Variants in DEPDC4 observed in about 807,000 individuals in gnomAD.
DEPDC4 encodes the protein DEP domain-containing protein 4.
DEPDC4 carries 52 observed loss-of-function variants against 52.0 expected under a neutral mutation model. The observed-to-expected ratio is 1.00, with a 90% CI of 0.80 to 1.26. The LOEUF is 1.26. Ranked by LOEUF, DEPDC4 falls within the 50% of genes most tolerant of loss-of-function variation. The pLI, the probability that DEPDC4 is intolerant of heterozygous loss-of-function variation, is 0.00. For synonymous variants in DEPDC4, 201 were observed against 196.8 expected (o/e 1.02, Z -0.18); for missense variants, 530 against 546.9 (o/e 0.97, Z 0.31).
At chr12:100,280,188 G>A in the DEPDC4 span, among the ~76,000 whole-genome samples, 6 of 152,164 alleles carry the variant, frequency 3.9e-5, no homozygotes, top group African/African-American at 1.4e-4. Flanking sequence ...AAAGCAAGAG[G>A]GCAGATTCAC....
At chr12:100,232,996 T>C (rs2096136812) in intron 9 of DEPDC4, among the ~76,000 whole-genome samples, 2 of 152,166 alleles carry the variant, frequency 1.3e-5, no homozygotes, top group Non-Finnish European at 2.9e-5. Flanking sequence ...TGTATGTACA[T>C]ATCATTTAAT....
chr12:100,239,474 C>T (rs1332789123), downstream of DEPDC4, among the ~76,000 whole-genome samples: 1 of 151,916 alleles, frequency 6.6e-6, no homozygotes, highest in African/African-American at 2.4e-5. Context: ...CTCCTTGGCT[C>T]ACGTGATCCT....
chr12:100,251,391 A>AT (rs1232431376), intron 7 of DEPDC4, among the ~76,000 whole-genome samples: 1 of 152,184 alleles, frequency 6.6e-6, no homozygotes, highest in Non-Finnish European at 1.5e-5. Context: ...AAATAAGAAT[A>AT]TGACCATGTT....
At chr12:100,257,760 A>G (rs2096240041) in intron 3 of DEPDC4, 1 of 152,284 alleles carries the variant, frequency 6.6e-6, no homozygotes, top group South Asian at 2.1e-4. Context: ...GTTATCAATT[A>G]GTTGTAAACA....
intron 7 of DEPDC4, among the ~76,000 whole-genome samples, chr12:100,251,084 G>T (rs1277550391): frequency 6.6e-6 from 1 of 152,090 alleles, no homozygotes; most frequent in East Asian, 1.9e-4. Context: ...GGATCAATAT[G>T]TTGCATTATG....
chr12:100,267,134 A>G (rs1045207561), upstream of DEPDC4: 9 of 1,574,030 alleles, frequency 5.7e-6, no homozygotes, highest in Non-Finnish European at 7.8e-6. Context: ...CCTCTTCCGA[A>G]CCGGCAGGAA....
intron 3 of DEPDC4, 40 bp from the exon 4 acceptor site, chr12:100,256,266 T>C (rs1274274847): frequency 6.9e-7 from 1 of 1,442,806 alleles, no homozygotes; most frequent in Admixed American, 1.9e-5. Context: ...GATTGGTAAA[T>C]AAAACATACA....
chr12:100,263,433 T>G (rs1349693302), intron 2 of DEPDC4, 64 bp downstream of exon 2: 10 of 1,337,428 alleles, frequency 7.5e-6, no homozygotes, highest in Non-Finnish European at 1.0e-5. Context: ...CGAGTTTAGC[T>G]CAATAAAGAC....
chr12:100,279,831 C>G, the DEPDC4 span, among the ~76,000 whole-genome samples: 1 of 152,202 alleles, frequency 6.6e-6, no homozygotes, highest in South Asian at 2.1e-4. Flanking sequence ...TGGTTCTTGC[C>G]AGACCTGGTG....
chr12:100,244,731 G>C lies in DEPDC4; in HGVS notation c.1454-2162C>G, dbSNP rs559396286. ...CCTGCCTCAGCCTCCCAAAGTGCTG[G>C]GATTGCAGGTGTGAGCCGCTGCACC... is the stretch of plus-strand genomic sequence containing the variant. On this transcript the variant is annotated intron_variant, in intron 8 of 9. Transcript: ENST00000550587. Among the ~76,000 whole-genome samples, 11 of 151,372 alleles carry C rather than the reference G, an allele frequency of 7.3e-5. No homozygotes were observed. In the South Asian group the frequency reaches 2.1e-3, roughly 29 times the overall value.
chr12:100,262,507 C>A, intron 2 of DEPDC4, 98 bp from the exon 3 acceptor site: 1 of 1,001,862 alleles, frequency 1.0e-6, no homozygotes, highest in South Asian at 2.3e-5. Flanking sequence ...CATACATTCT[C>A]TATTTCCAAA....
Position 100,264,564 on chromosome 12 carries a change from A to T in DEPDC4, c.158-671T>A, listed in dbSNP as rs190478866. 3.3e-5 allele frequency among the ~76,000 whole-genome samples: 5 copies of T among 152,140 alleles called. No homozygotes were observed. In the East Asian group the frequency reaches 9.7e-4, roughly 29 times the overall value. On this transcript the variant is annotated intron_variant, in intron 1 of 9. Transcript: ENST00000550587. Reference sequence around the variant, plus strand: ...CGTGGTGGCATGCGCCTGTAATCCCAGTTACTCGGGAGGCTGAGGCAGGAG... The same window carrying T: ...CGTGGTGGCATGCGCCTGTAATCCCTGTTACTCGGGAGGCTGAGGCAGGAG...
intron 8 of DEPDC4, among the ~76,000 whole-genome samples, chr12:100,246,122 G>GT (rs2096184191): frequency 7.2e-6 from 1 of 138,262 alleles, no homozygotes; most frequent in Non-Finnish European, 1.6e-5. Context: ...ACTACGCCTG[G>GT]GTTTTTTTTT....
rs2096155570 is a variant in DEPDC4, at chr12:100,240,799, TC to T, written c.*1092del. Among the ~76,000 whole-genome samples the T allele has an allele frequency of 6.6e-6, 1 of 152,244 alleles. No individual in the cohort carries two copies. Among genetic ancestry groups the T allele is most frequent in the African/African-American group, 2.4e-5 (1 of 41,462 alleles). ...CGGGTGTGGTGGCTCACGCCTGTAATCCCAGCACCTTGGGAGGCTAAGGTGG... is the reference window on the plus strand; with the variant it reads ...CGGGTGTGGTGGCTCACGCCTGTAATCCAGCACCTTGGGAGGCTAAGGTGG... On this transcript the variant is annotated 3_prime_UTR_variant, in exon 10 of 10. Transcript: ENST00000550587.
upstream of DEPDC4, chr12:100,267,154 T>C: frequency 6.7e-7 from 1 of 1,485,866 alleles, no homozygotes; most frequent in South Asian, 1.2e-5. Context: ...AGTGACGTCA[T>C]GCCCCCGGCC....
At chr12:100,251,277 T>C (rs1566314894) in intron 7 of DEPDC4, among the ~76,000 whole-genome samples, 2 of 152,074 alleles carry the variant, frequency 1.3e-5, no homozygotes, top group Non-Finnish European at 1.5e-5. Flanking sequence ...GGGAATTCTT[T>C]ATAGAGGCTT....
At chr12:100,260,868 C>T (rs539095001) in intron 3 of DEPDC4, among the ~76,000 whole-genome samples, 2 of 150,726 alleles carry the variant, frequency 1.3e-5, no homozygotes, top group Non-Finnish European at 2.9e-5. Flanking sequence ...TGCACTTCTG[C>T]CTGGGCGAAA....
At chr12:100,267,248 C>G, upstream of DEPDC4, 1 of 664,366 alleles carries the variant, frequency 1.5e-6, no homozygotes, top group South Asian at 2.1e-5. Flanking sequence ...CTAGCTCCGA[C>G]GTTTGCGGCC....
the DEPDC4 span, among the ~76,000 whole-genome samples, chr12:100,278,430 G>A: frequency 6.6e-6 from 1 of 151,982 alleles, no homozygotes; most frequent in Non-Finnish European, 1.5e-5. Flanking sequence ...GAACTGCTGG[G>A]CTCAAGTGAT....
Sources: allele counts gnomAD v4.1 joint callset (sites outside exome capture counted in the v4.1 genomes callset), GRCh38; gene constraint gnomAD v4.1.1; transcripts MANE v1.5; gene names NCBI Gene and HGNC (gene_info 2026-07-23, HGNC 2026-07-21).